Variants in UNC13C observed in about 807,000 individuals in gnomAD.
UNC13C encodes the protein protein unc-13 homolog C.
UNC13C carries 174 observed loss-of-function variants against 245.4 expected under a neutral mutation model. The observed-to-expected ratio is 0.71, with a 90% CI of 0.63 to 0.80. UNC13C has a LOEUF of 0.80. UNC13C is among the 30% of genes least tolerant of loss of function. UNC13C has a pLI of 0.00. For missense variants in UNC13C, 2,829 were observed against 2,602.9 expected (o/e 1.09, Z -1.89); for synonymous variants, 992 against 895.1 (o/e 1.11, Z -1.93).
intron 17 of UNC13C, among the ~76,000 whole-genome samples, chr15:54,340,713 G>T (rs2038708283): frequency 6.6e-6 from 1 of 152,110 alleles, no homozygotes; most frequent in Non-Finnish European, 1.5e-5. Context: ...TTGAAGTTAG[G>T]TAATGTGAGG....
intron 30 of UNC13C, among the ~76,000 whole-genome samples, chr15:54,614,725 T>C (rs1301772918): frequency 6.6e-6 from 1 of 152,024 alleles, no homozygotes; most frequent in African/African-American, 2.4e-5. Flanking sequence ...CAGAATCTTC[T>C]TCCTTTTCTT....
chr15:54,256,697 T>A (rs1044521063), intron 8 of UNC13C, among the ~76,000 whole-genome samples: 4 of 152,122 alleles, frequency 2.6e-5, no homozygotes, highest in Non-Finnish European at 5.9e-5. Flanking sequence ...GAAAACACTA[T>A]ACAATAAAGA....
At chr15:54,152,359 T>G (rs182850262) in intron 4 of UNC13C, among the ~76,000 whole-genome samples, 400 of 152,308 alleles carry the variant, frequency 2.6e-3, no homozygotes, top group Admixed American at 4.3e-3. Flanking sequence ...GAGAAAAAAG[T>G]ATTGTATTGA....
At chr15:54,089,506 T>C (rs12899024) in intron 2 of UNC13C, among the ~76,000 whole-genome samples, 73,574 of 151,868 alleles carry the variant, frequency 0.48, 19,037 homozygotes, top group Non-Finnish European at 0.59. Context: ...GGAGAAAACC[T>C]GTGAGTATGT....
chr15:54,382,565 A>G (rs1299640997), intron 17 of UNC13C, among the ~76,000 whole-genome samples: 1 of 152,132 alleles, frequency 6.6e-6, no homozygotes. Flanking sequence ...TGACAGAGTG[A>G]GACCCTATCC....
In UNC13C at chr15:54,625,619, C is replaced by T. The variant is rs181839245; in HGVS notation, c.6360-1209C>T. 2.3e-3 allele frequency among the ~76,000 whole-genome samples: 345 copies of T among 152,230 alleles called. 1 individual carries two copies. The highest frequency in any genetic ancestry group is 8.1e-3 in the African/African-American group (337 of 41,562). On this transcript the variant is annotated intron_variant, in intron 32 of 32. Transcript: ENST00000260323. ...TAGGACAAAGCCCTAAGGATTTACA[C>T]GCCAATACACTCTCTTACAGGTTTT...
At chr15:54,019,019 T>G (rs1388820258) in intron 2 of UNC13C, among the ~76,000 whole-genome samples, 1 of 152,206 alleles carries the variant, frequency 6.6e-6, no homozygotes, top group Non-Finnish European at 1.5e-5. Context: ...CTCAGAAGAA[T>G]AGACATAAAA....
chr15:53,942,952 T>C, the UNC13C span, among the ~76,000 whole-genome samples: 2 of 152,226 alleles, frequency 1.3e-5, no homozygotes, highest in East Asian at 1.9e-4. Context: ...CGTGAGCCAT[T>C]GTGCCCAGCC....
At chr15:53,844,447 A>G in the UNC13C span, among the ~76,000 whole-genome samples, 1 of 152,248 alleles carries the variant, frequency 6.6e-6, no homozygotes, top group South Asian at 2.1e-4. Context: ...GGGGTGTGAC[A>G]AAGGAAAAGT....
intron 17 of UNC13C, among the ~76,000 whole-genome samples, chr15:54,380,947 A>T (rs887800026): frequency 2.0e-5 from 3 of 152,140 alleles, no homozygotes; most frequent in African/African-American, 7.2e-5. Flanking sequence ...TGTACAAAAG[A>T]ACAAAGTTTT....
chr15:54,377,516 C>T (rs2039631800), intron 17 of UNC13C, among the ~76,000 whole-genome samples: 1 of 152,222 alleles, frequency 6.6e-6, no homozygotes, highest in African/African-American at 2.4e-5. Flanking sequence ...TTTTGATCAA[C>T]ATCCTATGAA....
intron 18 of UNC13C, among the ~76,000 whole-genome samples, chr15:54,412,172 C>T (rs750084024): frequency 6.6e-6 from 1 of 151,642 alleles, no homozygotes; most frequent in East Asian, 1.9e-4. Context: ...CACAACCGCA[C>T]TCCAGCCTGG....
intron 17 of UNC13C, among the ~76,000 whole-genome samples, chr15:54,375,837 G>C (rs918144217): frequency 1.3e-5 from 2 of 152,188 alleles, no homozygotes; most frequent in Non-Finnish European, 2.9e-5. Context: ...AAGACCCAGC[G>C]GAGCTGTGCC....
chr15:54,347,137 C>A (rs17237522), intron 17 of UNC13C, among the ~76,000 whole-genome samples: 22,103 of 152,070 alleles, frequency 0.15, 1,805 homozygotes, highest in Middle Eastern at 0.23. Flanking sequence ...AAGAGACCCC[C>A]TAATTGTGGA....
At chr15:54,512,190 A>T (rs779164214) in intron 24 of UNC13C, among the ~76,000 whole-genome samples, 3 of 152,058 alleles carry the variant, frequency 2.0e-5, no homozygotes, top group Admixed American at 6.6e-5. Flanking sequence ...CTTGATATCA[A>T]TGTTTATTCT....
the UNC13C span, among the ~76,000 whole-genome samples, chr15:53,879,307 A>T: frequency 6.6e-6 from 1 of 152,040 alleles, no homozygotes; most frequent in Non-Finnish European, 1.5e-5. Flanking sequence ...GACTACAGGC[A>T]CACACCACCA....
rs530773699 is a variant in UNC13C at position 54,044,542 on chromosome 15, C to T, written c.2983+28656C>T. The T allele has an allele frequency of 1.6e-3, 305 of 193,670 alleles. 2 individuals are homozygous for T. Among genetic ancestry groups the T allele is most frequent in the South Asian group, 8.2e-3 (128 of 15,606 alleles). 12.0% of individuals were successfully genotyped at this position (193,670 alleles called of 1,614,324 possible). A position where few individuals can be genotyped will look rare whatever the true frequency, so the allele number is the denominator to read the frequency against. On this transcript the variant is annotated intron_variant, in intron 2 of 32. Coordinates refer to ENST00000260323, the MANE Select transcript of UNC13C (RefSeq NM_001080534.3). The stretch of plus-strand genomic sequence containing the variant: ...TGGCTGCACAACCTGACAATCCCAC[C>T]AGCAATGTGGCAGGCGGGGTGGGGG...
the UNC13C span, among the ~76,000 whole-genome samples, chr15:53,846,226 G>A: frequency 6.6e-6 from 1 of 152,136 alleles, no homozygotes; most frequent in Non-Finnish European, 1.5e-5. Flanking sequence ...AAGTTAAGGA[G>A]CAACTCTACT....
intron 18 of UNC13C, among the ~76,000 whole-genome samples, chr15:54,409,392 T>C (rs1347170584): frequency 2.0e-5 from 3 of 152,158 alleles, no homozygotes; most frequent in African/African-American, 4.8e-5. Flanking sequence ...AACTTTTATG[T>C]GAGGTTCAGT....
Sources: allele counts gnomAD v4.1 joint callset (sites outside exome capture counted in the v4.1 genomes callset), GRCh38; gene constraint gnomAD v4.1.1; transcripts MANE v1.5; gene names NCBI Gene and HGNC (gene_info 2026-07-23, HGNC 2026-07-21).